CTNND2: variants seen among roughly 807,000 people sequenced by gnomAD.
CTNND2 encodes the protein catenin delta-2.
Under a neutral mutation model 144.4 loss-of-function variants are expected in CTNND2, and 22 were observed. That is an observed-to-expected ratio of 0.15 (90% CI 0.11 to 0.22). CTNND2 has a LOEUF of 0.22. CTNND2 is among the 10% of genes least tolerant of loss of function. The probability of loss-of-function intolerance (pLI) is 1.00; values close to 1 mark genes in which losing one functional copy is unlikely to be tolerated. For synonymous variants in CTNND2, 751 were observed against 695.6 expected (o/e 1.08, Z -1.25); for missense variants, 1,353 against 1,618.8 (o/e 0.84, Z 2.82).
chr5:11,789,471 G>A (rs1216193837), intron 1 of CTNND2, among the ~76,000 whole-genome samples: 1 of 151,932 alleles, frequency 6.6e-6, no homozygotes, highest in Middle Eastern at 3.2e-3. Context: ...TTTTATTTAT[G>A]CATCTTATAA....
chr5:11,588,767 A>G (rs1779035257), intron 2 of CTNND2: 1 of 985,320 alleles, frequency 1.0e-6, no homozygotes, highest in African/African-American at 1.7e-5. Flanking sequence ...AATGGTCCTT[A>G]AATACTTGAA....
At chr5:11,377,679 A>G (rs1758075248) in intron 7 of CTNND2, among the ~76,000 whole-genome samples, 1 of 152,194 alleles carries the variant, frequency 6.6e-6, no homozygotes, top group African/African-American at 2.4e-5. Flanking sequence ...GGTAGATATT[A>G]ACTTCTGTGA....
At chr5:11,192,689 C>T (rs537059304) in intron 11 of CTNND2, among the ~76,000 whole-genome samples, 138 of 152,220 alleles carry the variant, frequency 9.1e-4, no homozygotes, top group African/African-American at 3.2e-3. Context: ...CTGGAAAAGG[C>T]GAGGAAATGG....
chr5:11,741,144 GT>G, intron 1 of CTNND2, among the ~76,000 whole-genome samples: 1 of 152,306 alleles, frequency 6.6e-6, no homozygotes, highest in African/African-American at 2.4e-5. Context: ...TTCAACCATT[GT>G]GGAAGACAGT....
intron 9 of CTNND2, among the ~76,000 whole-genome samples, chr5:11,309,065 T>C (rs1216412040): frequency 2.6e-5 from 4 of 152,226 alleles, no homozygotes; most frequent in Non-Finnish European, 5.9e-5. Flanking sequence ...CTCTCACCAG[T>C]CCTGTCTTCC....
intron 2 of CTNND2, among the ~76,000 whole-genome samples, chr5:11,726,877 T>C (rs566022278): frequency 6.6e-6 from 1 of 152,324 alleles, no homozygotes; most frequent in African/African-American, 2.4e-5. Context: ...CAGATAGGTA[T>C]ATAAGTGTCC....
chr5:11,196,299 T>G (rs1405495245), intron 11 of CTNND2, among the ~76,000 whole-genome samples: 1 of 152,230 alleles, frequency 6.6e-6, no homozygotes, highest in Non-Finnish European at 1.5e-5. Flanking sequence ...TTGTTTATAA[T>G]ATATCCTAGT....
chr5:11,510,183 C>A (rs1386575976), intron 3 of CTNND2, among the ~76,000 whole-genome samples: 1 of 152,154 alleles, frequency 6.6e-6, no homozygotes, highest in Non-Finnish European at 1.5e-5. Context: ...AAGCAAAAAT[C>A]CTCCTGCTTT....
chr5:11,316,465 TTTTTTATTATTATTA>T (rs766440629), intron 9 of CTNND2, among the ~76,000 whole-genome samples: 71 of 83,476 alleles, frequency 8.5e-4, no homozygotes, highest in East Asian at 1.3e-3. Flanking sequence ...TTATCCACTA[TTTTTTATTATTATTA>T]TTATTATTAT....
At chr5:11,483,709 T>C (rs1306546281) in intron 3 of CTNND2, among the ~76,000 whole-genome samples, 1 of 152,204 alleles carries the variant, frequency 6.6e-6, no homozygotes, top group Non-Finnish European at 1.5e-5. Flanking sequence ...TGCATGTTTT[T>C]GGCACCGAGT....
intron 11 of CTNND2, among the ~76,000 whole-genome samples, chr5:11,170,597 C>A (rs1759806316): frequency 6.6e-6 from 1 of 152,132 alleles, no homozygotes; most frequent in South Asian, 2.1e-4. Context: ...CACATACACA[C>A]ACACACAGCT....
chr5:11,565,296 C>T (rs1399829577), intron 2 of CTNND2, among the ~76,000 whole-genome samples: 1 of 152,154 alleles, frequency 6.6e-6, no homozygotes, highest in Non-Finnish European at 1.5e-5. Context: ...GACTTAAATA[C>T]TTATTTAATA....
At chr5:11,547,894 G>A (rs143987199) in intron 3 of CTNND2, among the ~76,000 whole-genome samples, 144 of 152,232 alleles carry the variant, frequency 9.5e-4, no homozygotes, top group Non-Finnish European at 1.3e-3. Flanking sequence ...TTCTGTGCCC[G>A]CCCAAGAAAC....
At chr5:11,570,946 C>A (rs1777504762) in intron 2 of CTNND2, among the ~76,000 whole-genome samples, 1 of 151,914 alleles carries the variant, frequency 6.6e-6, no homozygotes, top group Non-Finnish European at 1.5e-5. Flanking sequence ...TATTCTGTTT[C>A]TTTATCTTCT....
chr5:11,092,979 T>C (rs1176060606), intron 15 of CTNND2, among the ~76,000 whole-genome samples: 2 of 152,180 alleles, frequency 1.3e-5, no homozygotes, highest in Non-Finnish European at 2.9e-5. Context: ...AATTTCCCAG[T>C]TCTCTTGCAT....
Position 11,526,195 on chromosome 5 carries a change from C to A in CTNND2, c.287+38749G>T, listed in dbSNP as rs542050861. On this transcript the variant is annotated intron_variant, in intron 3 of 21. Transcript: ENST00000304623. Reference sequence around the variant, plus strand: ...GGGATTACAGACATGAGCCACCATGCCCGGTCTATCTTACTTGTTTTTATT... The same window carrying A: ...GGGATTACAGACATGAGCCACCATGACCGGTCTATCTTACTTGTTTTTATT... Among the ~76,000 whole-genome samples the A allele has an allele frequency of 3.9e-5, 6 of 152,254 alleles. No homozygotes were observed. In the East Asian group the frequency reaches 1.2e-3, roughly 29 times the overall value.
intron 2 of CTNND2, among the ~76,000 whole-genome samples, chr5:11,634,847 G>A (rs1041536469): frequency 5.3e-5 from 8 of 152,150 alleles, no homozygotes; most frequent in Non-Finnish European, 7.4e-5. Flanking sequence ...TGCAGCTTGT[G>A]GTATCAGATG....
intron 18 of CTNND2, among the ~76,000 whole-genome samples, chr5:11,001,707 C>A (rs1739983905): frequency 6.6e-6 from 1 of 152,102 alleles, no homozygotes. Flanking sequence ...GTAGATCTGT[C>A]TTTTATGACA....
chr5:11,510,775 C>CA (rs1248991118), intron 3 of CTNND2, among the ~76,000 whole-genome samples: 1 of 151,866 alleles, frequency 6.6e-6, no homozygotes, highest in Non-Finnish European at 1.5e-5. Flanking sequence ...TACAAAAATA[C>CA]AAAAAATTAG....
Sources: gnomAD v4.1 joint callset for allele counts (sites outside exome capture counted in the v4.1 genomes callset) on GRCh38, gnomAD v4.1.1 for gene constraint, MANE v1.5 for transcripts, NCBI Gene and HGNC (gene_info 2026-07-23, HGNC 2026-07-21) for gene names.